CSGALNACT2: variants seen among roughly 807,000 people sequenced by gnomAD.
The protein encoded by CSGALNACT2 is chondroitin sulfate N-acetylgalactosaminyltransferase 2.
A neutral mutation model predicts 55.3 loss-of-function variants in CSGALNACT2; 35 were observed. The observed-to-expected ratio is 0.63, with a 90% CI of 0.48 to 0.84. The LOEUF is 0.84. CSGALNACT2 is among the 40% of genes least tolerant of loss of function. CSGALNACT2 has a pLI of 0.00. For missense variants in CSGALNACT2, 544 were observed against 657.5 expected (o/e 0.83, Z 1.89); for synonymous variants, 196 against 224.9 (o/e 0.87, Z 1.15).
At chr10:43,180,124 G>A (rs986787398) in intron 7 of CSGALNACT2, among the ~76,000 whole-genome samples, 5 of 152,154 alleles carry the variant, frequency 3.3e-5, no homozygotes, top group Admixed American at 1.3e-4. Flanking sequence ...ACCTGGAAGT[G>A]GAGCCTCCAC....
chr10:43,158,070 G>T (rs971365575), intron 2 of CSGALNACT2, among the ~76,000 whole-genome samples: 1 of 149,666 alleles, frequency 6.7e-6, no homozygotes, highest in East Asian at 1.9e-4. Flanking sequence ...TCGTAGATGC[G>T]CATGCTTTTC....
Position 43,163,960 on chromosome 10 carries a change from G to A in CSGALNACT2, c.1075G>A (p.Gly359Arg). Residue 359 changes from glycine to arginine, a missense_variant, in exon 5 of 8, where the codon GGA becomes AGA. Physicochemically the swap from Gly to Arg is moderately radical, Grantham distance 125. Around this residue, in one of 2 missense-constraint regions of CSGALNACT2, gnomAD observed 170 missense variants for 256.2 expected, o/e 0.66. Transcript: ENST00000374466. ...TGTGGGTGCCCGAGCTTGGGACAAG[G>A]GAGAGGTCTTGATGTTTTTCTGTGA... ...LNVGARAWDK[G>R]EVLMFFCDVD... 6.2e-7 allele frequency: 1 copy of A among 1,614,106 alleles called. No individual in the cohort carries two copies. Among genetic ancestry groups the A allele is most frequent in the Non-Finnish European group, 8.5e-7 (1 of 1,180,010 alleles).
At position 43,176,101 on chromosome 10, in the gene CSGALNACT2, T is replaced by G. The variant is rs1429183996; in HGVS notation, c.1336+69T>G. On this transcript the variant is annotated intron_variant, in intron 7 of 7. Coordinates refer to ENST00000374466, the MANE Select transcript of CSGALNACT2 (RefSeq NM_018590.5). The stretch of plus-strand genomic sequence containing the variant: ...GACTTAATGGTATTTTGCTAAAAGG[T>G]CTCAGATTTGAGTGTTTTCCTACTA... The G allele has an allele frequency of 3.1e-6, 4 of 1,287,048 alleles. No individual in the cohort carries two copies. The African/African-American group carries it at 6.0e-5, about 19-fold the overall frequency. 79.7% of individuals were successfully genotyped at this position (1,287,048 alleles called of 1,614,324 possible). A position where few individuals can be genotyped will look rare whatever the true frequency, so the allele number is the denominator to read the frequency against.
chr10:43,159,684 G>T (rs796604824), intron 3 of CSGALNACT2, among the ~76,000 whole-genome samples: 36 of 152,232 alleles, frequency 2.4e-4, no homozygotes, highest in African/African-American at 7.7e-4. Context: ...GCAAAGCAGA[G>T]AATTTGTAAA....
At chr10:43,141,624 CAAAAAAAAAAAAAAAA>C (rs58889701) in intron 1 of CSGALNACT2, among the ~76,000 whole-genome samples, 2 of 68,902 alleles carry the variant, frequency 2.9e-5, no homozygotes, top group African/African-American at 6.0e-5. Flanking sequence ...GAAACTGTCT[CAAAAAAAAAAAAAAAA>C]AAAAAAAAAA....
chr10:43,146,666 T>C lies in CSGALNACT2; in HGVS notation c.-254+8099T>C, dbSNP rs576132715. Among the ~76,000 whole-genome samples, 7 of 151,270 alleles carry C rather than the reference T, an allele frequency of 4.6e-5. No homozygotes were observed. The South Asian group carries it at 1.5e-3, about 32-fold the overall frequency. ...GATCACTTGAGCCCAGGAGTTAGGC[T>C]ACATTGAGCTATAATATGATAGAGG... On this transcript the variant is annotated intron_variant, in intron 1 of 7. Coordinates refer to ENST00000374466, the MANE Select transcript of CSGALNACT2 (RefSeq NM_018590.5).
rs140002994 is a variant in CSGALNACT2, at chr10:43,167,051, A to G, written c.1207A>G (p.Ile403Val). The G allele has an allele frequency of 2.9e-5, 46 of 1,613,342 alleles. No individual in the cohort carries two copies. In the African/African-American group the frequency reaches 5.5e-4, roughly 19 times the overall value. ...PVVFSLYNPA[I>V]VYANQEVPPP... ...GGTGTTCAGTCTTTACAATCCTGCC[A>G]TTGTTTATGCCAACCAGGAAGTGCC... The change falls in exon 6 of 8, where the codon ATT (isoleucine) becomes GTT (valine). Residue 403 changes from isoleucine (I) to valine (V), a missense_variant. By Grantham distance (29) the Ile-to-Val change is conservative. Transcript: ENST00000374466.
intron 6 of CSGALNACT2, among the ~76,000 whole-genome samples, chr10:43,170,591 A>G (rs926819818): frequency 5.9e-5 from 9 of 152,258 alleles, no homozygotes; most frequent in Non-Finnish European, 1.2e-4. Context: ...GAATGAGCAG[A>G]TAAATATTGA....
At position 43,183,498 on chromosome 10, in the gene CSGALNACT2, C is replaced by T. The variant is rs1455315603; in HGVS notation, c.1585C>T (p.Leu529Phe). The T allele has an allele frequency of 1.2e-6, 2 of 1,614,134 alleles. No individual in the cohort carries two copies. Among genetic ancestry groups the T allele is most frequent in the Admixed American group, 3.3e-5 (2 of 60,032 alleles). Residue 529 changes from leucine (L) to phenylalanine (F), a missense_variant, in exon 8 of 8, where the codon CTT becomes TTT. Around this residue, in one of 2 missense-constraint regions of CSGALNACT2, gnomAD observed 170 missense variants for 256.2 expected, o/e 0.66. Transcript: ENST00000374466. ...LVFREEIETH[L>F]HKQAYRTNSE... ...CTTCAGGGAGGAAATAGAGACGCAT[C>T]TTCATAAACAGGCATACAGGACAAA...
intron 6 of CSGALNACT2, among the ~76,000 whole-genome samples, chr10:43,171,434 A>G (rs1405294010): frequency 6.6e-6 from 1 of 151,330 alleles, no homozygotes; most frequent in Admixed American, 6.6e-5. Flanking sequence ...CTCACTGGAA[A>G]CTCCACCTTC....
chr10:43,181,074 A>T (rs1393171084), intron 7 of CSGALNACT2, among the ~76,000 whole-genome samples: 1 of 152,178 alleles, frequency 6.6e-6, no homozygotes, highest in Non-Finnish European at 1.5e-5. Flanking sequence ...GATCTTCACC[A>T]CTGAGGACCT....
chr10:43,150,369 C>G (rs1275118196), intron 1 of CSGALNACT2, among the ~76,000 whole-genome samples: 2 of 152,234 alleles, frequency 1.3e-5, no homozygotes, highest in East Asian at 3.9e-4. Flanking sequence ...AATCCATATT[C>G]CTTTCTGGTA....
At chr10:43,140,694 C>T (rs934224770) in intron 1 of CSGALNACT2, among the ~76,000 whole-genome samples, 10 of 152,134 alleles carry the variant, frequency 6.6e-5, no homozygotes, top group Admixed American at 3.9e-4. Flanking sequence ...TGAAGAATCA[C>T]GGGACTGCAA....
chr10:43,168,364 T>A (rs113352762), intron 6 of CSGALNACT2, among the ~76,000 whole-genome samples: 283 of 151,922 alleles, frequency 1.9e-3, no homozygotes, highest in Non-Finnish European at 2.9e-3. Context: ...GGCAAAAGAA[T>A]CACTTGAACC....
chr10:43,178,193 T>G (rs1402943224), intron 7 of CSGALNACT2, among the ~76,000 whole-genome samples: 1 of 152,212 alleles, frequency 6.6e-6, no homozygotes, highest in Non-Finnish European at 1.5e-5. Flanking sequence ...TCTCAGTACC[T>G]GCATGGGATT....
chr10:43,160,830 T>C (rs1302632242), intron 4 of CSGALNACT2, among the ~76,000 whole-genome samples: 1 of 152,198 alleles, frequency 6.6e-6, no homozygotes, highest in African/African-American at 2.4e-5. Context: ...CCCACTCACC[T>C]TCTGTGTATT....
At chr10:43,151,188 G>T (rs1254112159) in intron 1 of CSGALNACT2, among the ~76,000 whole-genome samples, 1 of 151,918 alleles carries the variant, frequency 6.6e-6, no homozygotes. Flanking sequence ...AGTTTTAATT[G>T]TTGATTTTTT....
intron 7 of CSGALNACT2, among the ~76,000 whole-genome samples, chr10:43,179,439 A>T (rs1443253056): frequency 6.6e-6 from 1 of 150,378 alleles, no homozygotes; most frequent in African/African-American, 2.5e-5. Context: ...GGACTATTTT[A>T]ACAAATTATT....
At chr10:43,182,266 C>T (rs908507800) in intron 7 of CSGALNACT2, among the ~76,000 whole-genome samples, 1 of 152,078 alleles carries the variant, frequency 6.6e-6, no homozygotes, top group Admixed American at 6.5e-5. Flanking sequence ...CACTTGACAA[C>T]TTCTTCCTCA....
Sources: gnomAD v4.1 joint callset for allele counts (sites outside exome capture counted in the v4.1 genomes callset) on GRCh38, gnomAD v4.1.1 for gene constraint, gnomAD v4.1.1 regional missense constraint, MANE v1.5 for transcripts, NCBI Gene and HGNC (gene_info 2026-07-23, HGNC 2026-07-21) for gene names.